The following NPIPA9 variants were observed in gnomAD, a reference collection of about 807,000 sequenced individuals.
NPIPA9 encodes nuclear pore complex interacting protein family member A9.
At chr16:18,364,799 G>A (rs1270497768) in intron 4 of NPIPA9, among the ~76,000 whole-genome samples, 165 bp from the exon 5 acceptor site, 2 of 40,318 alleles carry the variant, frequency 5.0e-5, no homozygotes, top group Admixed American at 2.6e-4. Context: ...AAAATTAGCC[G>A]GGCATGGCAG....
intron 4 of NPIPA9, among the ~76,000 whole-genome samples, chr16:18,365,050 G>A (rs1345461086): frequency 9.2e-5 from 10 of 108,238 alleles, no homozygotes; most frequent in African/African-American, 3.2e-4. Context: ...CGAGGCAGGC[G>A]GATAACCTGA....
chr16:18,375,301 ATTTT>A (rs537573724), intron 1 of NPIPA9, among the ~76,000 whole-genome samples: 1 of 135,790 alleles, frequency 7.4e-6, no homozygotes, highest in African/African-American at 2.8e-5. Flanking sequence ...TTTAAATTTC[ATTTT>A]TTTTTTTTTT....
At chr16:18,372,338 C>T (rs1279456169) in intron 3 of NPIPA9, among the ~76,000 whole-genome samples, 3 of 3,104 alleles carry the variant, frequency 9.7e-4, no homozygotes, top group Non-Finnish European at 6.6e-4. Flanking sequence ...GGCAAGGGAG[C>T]GTGAGGCTTA....
intron 3 of NPIPA9, among the ~76,000 whole-genome samples, chr16:18,371,451 T>TAA (rs778066038): frequency 0.014 from 797 of 56,600 alleles, 18 homozygotes; most frequent in African/African-American, 0.047. Context: ...GACTCTGTCT[T>TAA]AAAAAAAAAA....
At chr16:18,365,240 C>T (rs1228087911) in intron 4 of NPIPA9, among the ~76,000 whole-genome samples, 1 of 78,196 alleles carries the variant, frequency 1.3e-5, no homozygotes, top group Non-Finnish European at 2.4e-5. Flanking sequence ...TGCCATTGCA[C>T]TCCAACATGG....
At position 18,369,922 on chromosome 16, in the gene NPIPA9, A is replaced by G. The variant is rs1288388392; in HGVS notation, c.64-1536T>C. ...GAATCTTTGTCATTTAAAGCTCAGC[A>G]TAAGTAAAAAAAAAAAAAAATACAA... On this transcript the variant is annotated intron_variant, in intron 3 of 9. Transcript: ENST00000427999. 5.1e-3 allele frequency among the ~76,000 whole-genome samples: 747 copies of G among 146,996 alleles called. 8 individuals are homozygous for G. The highest frequency in any genetic ancestry group is 0.046 in the Admixed American group (657 of 14,180).
At chr16:18,364,798 C>T (rs1194855461) in intron 4 of NPIPA9, among the ~76,000 whole-genome samples, 164 bp from the exon 5 acceptor site, 1 of 39,576 alleles carries the variant, frequency 2.5e-5, no homozygotes, top group Non-Finnish European at 4.2e-5. Context: ...AAAAATTAGC[C>T]GGGCATGGCA....
At chr16:18,372,010 T>C in intron 3 of NPIPA9, 1 of 36,918 alleles carries the variant, frequency 2.7e-5, no homozygotes, top group Non-Finnish European at 4.7e-5. Flanking sequence ...CCGCATGTCC[T>C]GGTCCTTTCA....
At position 18,375,259 on chromosome 16, in the gene NPIPA9, G is replaced by A. The variant is rs201337951; in HGVS notation, c.-307-190C>T. Reference sequence around the variant, plus strand: ...TCGCGACATGTGCCACTGAACACTTGACAGCAGACTGGTGCAGCTAAGGAA... The same window carrying A: ...TCGCGACATGTGCCACTGAACACTTAACAGCAGACTGGTGCAGCTAAGGAA... On this transcript the variant is annotated intron_variant, in intron 1 of 9. Coordinates refer to ENST00000427999, the Ensembl canonical transcript of NPIPA9. Among the ~76,000 whole-genome samples, 778 of 144,008 alleles carry A rather than the reference G, an allele frequency of 5.4e-3. 1 individual carries two copies. Among genetic ancestry groups the A allele is most frequent in the East Asian group, 0.051 (228 of 4,478 alleles). 94.5% of individuals were successfully genotyped at this position (144,008 alleles called of 152,430 possible). A position where few individuals can be genotyped will look rare whatever the true frequency, so the allele number is the denominator to read the frequency against.
intron 3 of NPIPA9, among the ~76,000 whole-genome samples, chr16:18,371,477 A>AAAG (rs1214808508): frequency 8.1e-6 from 1 of 123,748 alleles, no homozygotes; most frequent in African/African-American, 3.0e-5. Context: ...AAAAAAAAAA[A>AAAG]GTCATCAAAC....
At chr16:18,364,994 G>A (rs1437014590) in intron 4 of NPIPA9, among the ~76,000 whole-genome samples, 1 of 136,014 alleles carries the variant, frequency 7.4e-6, no homozygotes, top group East Asian at 2.0e-4. Flanking sequence ...AATGACATGA[G>A]GCTGGCATGG....
chr16:18,363,701 G>A (rs1454540379), intron 6 of NPIPA9, among the ~76,000 whole-genome samples: 1 of 15,776 alleles, frequency 6.3e-5, no homozygotes, highest in Non-Finnish European at 1.1e-4. Context: ...GGGTGTGGTG[G>A]CTCACACCTC....
At chr16:18,369,978 T>A (rs1471091655) in intron 3 of NPIPA9, among the ~76,000 whole-genome samples, 7 of 145,296 alleles carry the variant, frequency 4.8e-5, no homozygotes, top group Admixed American at 6.9e-5. Context: ...CAAATAAGTA[T>A]CGAATTTTAG....
chr16:18,369,979 C>A (rs1348148994), intron 3 of NPIPA9, among the ~76,000 whole-genome samples: 1 of 144,120 alleles, frequency 6.9e-6, no homozygotes, highest in Non-Finnish European at 1.5e-5. Flanking sequence ...AAATAAGTAT[C>A]GAATTTTAGT....
chr16:18,369,879 TTC>T (rs1900516097), intron 3 of NPIPA9, among the ~76,000 whole-genome samples: 1 of 141,782 alleles, frequency 7.1e-6, no homozygotes. Flanking sequence ...TAAATAATAC[TTC>T]TCTCTTGGAT....
At chr16:18,363,426 C>T (rs1417818301) in intron 6 of NPIPA9, among the ~76,000 whole-genome samples, 4 of 35,256 alleles carry the variant, frequency 1.1e-4, no homozygotes, top group East Asian at 1.7e-3. Flanking sequence ...ACCTGGGAGG[C>T]GGAGGTTGCA....
chr16:18,376,659 G>GA (rs1567230987), intron 1 of NPIPA9, 77 bp downstream of exon 1: 1 of 229,016 alleles, frequency 4.4e-6, no homozygotes, highest in Non-Finnish European at 7.8e-6. Flanking sequence ...TGCAGCACTG[G>GA]AAAGTGGCGG....
At chr16:18,371,451 TAAAAAAAA>T (rs778066038) in intron 3 of NPIPA9, among the ~76,000 whole-genome samples, 2 of 56,642 alleles carry the variant, frequency 3.5e-5, no homozygotes, top group East Asian at 3.9e-4. Flanking sequence ...GACTCTGTCT[TAAAAAAAA>T]AAAAAAAAAA....
At chr16:18,371,559 G>A (rs565147630) in intron 3 of NPIPA9, among the ~76,000 whole-genome samples, 11 of 114,134 alleles carry the variant, frequency 9.6e-5, no homozygotes, top group East Asian at 7.1e-4. Context: ...AGAGTGCAGC[G>A]GGGCCATCTC....
Sources: gnomAD v4.1 joint callset for allele counts (sites outside exome capture counted in the v4.1 genomes callset) on GRCh38, gnomAD v4.1.1 for gene constraint, MANE v1.5 for transcripts, NCBI Gene and HGNC (gene_info 2026-07-23, HGNC 2026-07-21) for gene names.